KIF16B: variants seen among roughly 807,000 people sequenced by gnomAD.
KIF16B encodes kinesin family member 16B, also known as kinesin-like protein KIF16B.
A neutral mutation model predicts 156.3 loss-of-function variants in KIF16B; 98 were observed. That is an observed-to-expected ratio of 0.63 (90% CI 0.53 to 0.74). The LOEUF (loss-of-function observed/expected upper bound fraction) is 0.74. Among genes scored for constraint, KIF16B ranks in the 30% least tolerant of loss-of-function variants. KIF16B has a pLI of 0.00. For missense variants in KIF16B, 1,421 were observed against 1,606.5 expected (o/e 0.88, Z 1.97); for synonymous variants, 564 against 583.7 (o/e 0.97, Z 0.49).
intron 12 of KIF16B, among the ~76,000 whole-genome samples, chr20:16,490,489 C>T (rs905736590): frequency 6.6e-6 from 1 of 152,104 alleles, no homozygotes; most frequent in East Asian, 1.9e-4. Flanking sequence ...TGCAGTGAGC[C>T]GAAATCACAC....
At chr20:16,414,025 T>C (rs1192157257) in intron 15 of KIF16B, among the ~76,000 whole-genome samples, 1 of 152,082 alleles carries the variant, frequency 6.6e-6, no homozygotes, top group African/African-American at 2.4e-5. Flanking sequence ...ATGATGATGA[T>C]ACCATTTAGG....
intron 22 of KIF16B, among the ~76,000 whole-genome samples, chr20:16,361,686 T>C (rs371768607): frequency 3.3e-5 from 5 of 152,224 alleles, no homozygotes; most frequent in Non-Finnish European, 5.9e-5. Context: ...ATATATATCC[T>C]GAGGGATAAG....
At chr20:16,500,104 C>G (rs1353185497) in intron 10 of KIF16B, among the ~76,000 whole-genome samples, 2 of 152,084 alleles carry the variant, frequency 1.3e-5, no homozygotes, top group African/African-American at 4.8e-5. Context: ...AAAAGGACAT[C>G]CTGTTTTTAA....
At chr20:16,356,238 C>T in intron 23 of KIF16B, 92 bp downstream of exon 23, 2 of 1,488,932 alleles carry the variant, frequency 1.3e-6, no homozygotes, top group African/African-American at 1.4e-5. Flanking sequence ...TATTCACATG[C>T]AGCTTCATCC....
chr20:16,303,865 T>C (rs2063505506), intron 25 of KIF16B, among the ~76,000 whole-genome samples: 1 of 152,222 alleles, frequency 6.6e-6, no homozygotes, highest in Non-Finnish European at 1.5e-5. Flanking sequence ...GGGCAGGGCA[T>C]GCCTCTCTGA....
At chr20:16,277,442 G>A (rs1285240042) in intron 25 of KIF16B, among the ~76,000 whole-genome samples, 1 of 140,520 alleles carries the variant, frequency 7.1e-6, no homozygotes, top group Non-Finnish European at 1.5e-5. Context: ...CTTGAACTCT[G>A]CTATTTTATG....
At chr20:16,365,005 G>A (rs1770067718) in intron 22 of KIF16B, among the ~76,000 whole-genome samples, 1 of 152,160 alleles carries the variant, frequency 6.6e-6, no homozygotes, top group Non-Finnish European at 1.5e-5. Context: ...TTAAAATTAT[G>A]TACAGTTTAT....
At chr20:16,488,111 C>T (rs1004659522) in intron 12 of KIF16B, among the ~76,000 whole-genome samples, 1 of 152,164 alleles carries the variant, frequency 6.6e-6, no homozygotes, top group Non-Finnish European at 1.5e-5. Flanking sequence ...CCAAAGCCAG[C>T]CGGACATTGG....
At chr20:16,569,636 T>C (rs2071386525) in intron 1 of KIF16B, among the ~76,000 whole-genome samples, 1 of 152,202 alleles carries the variant, frequency 6.6e-6, no homozygotes, top group Non-Finnish European at 1.5e-5. Context: ...CTCTGGGACT[T>C]GTTTTTCTGT....
At chr20:16,385,762 G>A (rs2065215808) in intron 17 of KIF16B, among the ~76,000 whole-genome samples, 1 of 152,156 alleles carries the variant, frequency 6.6e-6, no homozygotes, top group Non-Finnish European at 1.5e-5. Flanking sequence ...CAGGGCAGTG[G>A]TTGACACTCA....
chr20:16,318,088 C>G (rs2063724139), intron 24 of KIF16B, among the ~76,000 whole-genome samples: 2 of 151,908 alleles, frequency 1.3e-5, no homozygotes, highest in African/African-American at 4.9e-5. Context: ...CCATAGCTGC[C>G]CTCCTCCTCC....
intron 1 of KIF16B, among the ~76,000 whole-genome samples, chr20:16,569,421 G>C (rs4813225): frequency 0.14 from 22,023 of 152,126 alleles, 1,612 homozygotes; most frequent in Admixed American, 0.17. Flanking sequence ...TTTTGCCTAC[G>C]TAACAGAATC....
At chr20:16,499,703 T>C (rs943698805) in intron 10 of KIF16B, among the ~76,000 whole-genome samples, 15 of 152,180 alleles carry the variant, frequency 9.9e-5, no homozygotes, top group Non-Finnish European at 1.6e-4. Context: ...TAATCAAAGC[T>C]GAAACAGTTC....
chr20:16,374,790 G>A (rs1220508116), intron 19 of KIF16B, among the ~76,000 whole-genome samples: 3 of 152,186 alleles, frequency 2.0e-5, no homozygotes, highest in Non-Finnish European at 4.4e-5. Context: ...TACGTTTGAT[G>A]AAAAAGATCT....
At chr20:16,534,670 T>C (rs1169065849) in intron 1 of KIF16B, among the ~76,000 whole-genome samples, 1 of 152,206 alleles carries the variant, frequency 6.6e-6, no homozygotes, top group Non-Finnish European at 1.5e-5. Flanking sequence ...GTTCAATCCA[T>C]CTGGAGTTGA....
intron 12 of KIF16B, among the ~76,000 whole-genome samples, chr20:16,450,088 A>G (rs2067037884): frequency 6.6e-6 from 1 of 152,238 alleles, no homozygotes; most frequent in Non-Finnish European, 1.5e-5. Flanking sequence ...TACGCTTTTC[A>G]AAAATTATAA....
intron 23 of KIF16B, among the ~76,000 whole-genome samples, chr20:16,353,151 A>T (rs2064372706): frequency 6.6e-6 from 1 of 152,264 alleles, no homozygotes; most frequent in Admixed American, 6.5e-5. Context: ...GTCTCTTTTA[A>T]AAATAATACT....
In KIF16B at chr20:16,363,880, A is replaced by G. The variant is rs182154783; in HGVS notation, c.3498+6706T>C. On this transcript the variant is annotated intron_variant, in intron 22 of 25. Transcript: ENST00000354981. ...TATTTGGCAATTGCAGACTGATATAACATCTGTCACAATAGATATTCTAAG... is the reference window on the plus strand; with the variant it reads ...TATTTGGCAATTGCAGACTGATATAGCATCTGTCACAATAGATATTCTAAG... 4.1e-3 allele frequency among the ~76,000 whole-genome samples: 627 copies of G among 152,322 alleles called. 2 individuals carry two copies. The highest frequency in any genetic ancestry group is 0.015 in the African/African-American group (613 of 41,576).
intron 22 of KIF16B, among the ~76,000 whole-genome samples, chr20:16,362,687 A>G (rs2064573795): frequency 6.6e-6 from 1 of 152,216 alleles, no homozygotes; most frequent in South Asian, 2.1e-4. Flanking sequence ...CCAATTCTCA[A>G]CCTAGTAATC....
Sources: allele counts gnomAD v4.1 joint callset (sites outside exome capture counted in the v4.1 genomes callset), GRCh38; gene constraint gnomAD v4.1.1; transcripts MANE v1.5; gene names NCBI Gene and HGNC (gene_info 2026-07-23, HGNC 2026-07-21).